LIPA: variants seen among roughly 807,000 people sequenced by gnomAD.
LIPA encodes lysosomal acid lipase/cholesteryl ester hydrolase.
A neutral mutation model predicts 40.6 loss-of-function variants in LIPA; 26 were observed. The ratio of observed to expected loss-of-function variants is 0.64; its 90% CI spans 0.47 to 0.89. The LOEUF (loss-of-function observed/expected upper bound fraction) is 0.89, where lower values mean the gene tolerates loss of function less well. Among genes scored for constraint, LIPA ranks in the 40% least tolerant of loss-of-function variants. The pLI, the probability that LIPA is intolerant of heterozygous loss-of-function variation, is 0.00. For synonymous variants in LIPA, 188 were observed against 168.4 expected (o/e 1.12, Z -0.90); for missense variants, 455 against 479.6 (o/e 0.95, Z 0.48).
chr10:89,243,083 G>A (rs1842981996), intron 3 of LIPA, among the ~76,000 whole-genome samples: 1 of 152,186 alleles, frequency 6.6e-6, no homozygotes, highest in Non-Finnish European at 1.5e-5. Context: ...AGTCAGGAGG[G>A]GAAGCGGGAT....
chr10:89,402,258 A>G (rs1480073102), intron 2 of LIPA: 1 of 1,511,654 alleles, frequency 6.6e-7, no homozygotes, highest in Non-Finnish European at 9.0e-7. Flanking sequence ...CCTAACAAAG[A>G]AAATCTGTTT....
chr10:89,307,856 G>A (rs1843492765), intron 1 of LIPA: 1 of 158,554 alleles, frequency 6.3e-6, no homozygotes, highest in African/African-American at 2.4e-5. Flanking sequence ...AGTCTAAATA[G>A]GGCTCAGTAT....
chr10:89,322,043 G>C (rs1441385679), intron 1 of LIPA, among the ~76,000 whole-genome samples: 1 of 152,070 alleles, frequency 6.6e-6, no homozygotes, highest in Non-Finnish European at 1.5e-5. Flanking sequence ...CACAGGATGG[G>C]GAGCATCACA....
chr10:89,385,021 C>G (rs772818138), intron 2 of LIPA: 4 of 355,128 alleles, frequency 1.1e-5, no homozygotes, highest in African/African-American at 6.2e-5. Flanking sequence ...AAGTAGTAAC[C>G]GATCAAATTG....
rs916125092 is a variant in LIPA at position 89,308,147 on chromosome 10, A to C, written c.-2+34464T>G. ...AATGAGAATGGATTCTGTACAATAC[A>C]CTAGAAACCAACATAATGTATTTCT... On this transcript the variant is annotated intron_variant, in intron 1 of 5. Transcript: ENST00000282673. 2.6e-5 allele frequency: 4 copies of C among 152,238 alleles called. No homozygotes were observed. In the East Asian group the frequency reaches 7.7e-4, roughly 29 times the overall value. The allele number at this position is 152,238 out of a possible 1,614,324, so 9.4% of individuals were successfully genotyped here. A position where few individuals can be genotyped will look rare whatever the true frequency, so the allele number is the denominator to read the frequency against.
At chr10:89,413,075 T>C (rs1841488767) in intron 1 of LIPA, among the ~76,000 whole-genome samples, 2 of 152,200 alleles carry the variant, frequency 1.3e-5, no homozygotes, top group Non-Finnish European at 2.9e-5. Context: ...TCTCATCATT[T>C]AGCTCCCACT....
At chr10:89,387,805 T>C (rs1844220716) in intron 2 of LIPA, among the ~76,000 whole-genome samples, 1 of 152,222 alleles carries the variant, frequency 6.6e-6, no homozygotes, top group South Asian at 2.1e-4. Context: ...GATGAATAGA[T>C]ATGTAATAAG....
intron 1 of LIPA, chr10:89,339,758 A>T: frequency 6.2e-7 from 1 of 1,614,228 alleles, no homozygotes; most frequent in South Asian, 1.1e-5. Context: ...TGCAACCTTC[A>T]GAAATATAAT....
At chr10:89,227,807 T>C (rs2071510) in intron 4 of LIPA, among the ~76,000 whole-genome samples, 37 of 152,006 alleles carry the variant, frequency 2.4e-4, no homozygotes, top group African/African-American at 8.7e-4. Context: ...ATGTCCAATG[T>C]CATACAGCAA....
Position 89,214,879 on chromosome 10 carries a change from G to C in LIPA, c.1149C>G (p.Ala383=). 2 of 1,613,542 alleles carry C rather than the reference G, an allele frequency of 1.2e-6. No homozygotes were observed. The highest frequency in any genetic ancestry group is 8.5e-7 in the Non-Finnish European group (1 of 1,179,572). The change falls in exon 10 of 10, where the codon GCC becomes GCG. Residue 383 remains alanine, a synonymous_variant. Coordinates refer to ENST00000336233, the MANE Select transcript of LIPA (RefSeq NM_000235.4). ...EHLDFIWGLD[A]PWRLYNKIIN... ...TAATTTTATTATAAAGCCTCCAAGG[G>C]GCATCCAGGCCCCAAATGAAGTCAA...
intron 1 of LIPA, among the ~76,000 whole-genome samples, chr10:89,289,791 C>G (rs370851194): frequency 1.3e-5 from 2 of 152,132 alleles, no homozygotes; most frequent in South Asian, 4.1e-4. Flanking sequence ...CGATGAAGTC[C>G]TATTCTTTAC....
chr10:89,235,912 A>C (rs763613394), intron 3 of LIPA, among the ~76,000 whole-genome samples: 1 of 152,240 alleles, frequency 6.6e-6, no homozygotes, highest in Non-Finnish European at 1.5e-5. Context: ...AACAATAATA[A>C]ATCTATACAG....
intron 3 of LIPA, among the ~76,000 whole-genome samples, chr10:89,234,214 A>T (rs1375107539): frequency 6.6e-6 from 1 of 152,252 alleles, no homozygotes; most frequent in East Asian, 1.9e-4. Context: ...AGATGGGACC[A>T]GTGTGCACAT....
chr10:89,353,122 T>A (rs1843968896), intron 2 of LIPA, among the ~76,000 whole-genome samples: 1 of 152,116 alleles, frequency 6.6e-6, no homozygotes, highest in African/African-American at 2.4e-5. Flanking sequence ...CATCAGGTGA[T>A]GGTCAGGCAG....
chr10:89,402,314 T>C lies in LIPA; in HGVS notation c.61+10477A>G, dbSNP rs1400473513. 1.9e-6 allele frequency: 3 copies of C among 1,613,590 alleles called. No individual in the cohort carries two copies. In the African/African-American group the frequency reaches 4.0e-5, roughly 22 times the overall value. On this transcript the variant is annotated intron_variant, in intron 2 of 8. Coordinates refer to the LIPA transcript ENST00000371837. ...GTGATGATCATCAGGTCAAGGATAG[T>C]CTGGAGCAATTGAGATGTCACTTTA...
chr10:89,306,307 A>G, intron 1 of LIPA: 2 of 1,614,164 alleles, frequency 1.2e-6, no homozygotes, highest in Non-Finnish European at 1.7e-6. Flanking sequence ...AGATTTATGT[A>G]GACAAGGTGA....
intron 2 of LIPA, among the ~76,000 whole-genome samples, chr10:89,352,911 A>T (rs1009085675): frequency 1.3e-5 from 2 of 152,150 alleles, no homozygotes; most frequent in Non-Finnish European, 2.9e-5. Context: ...TAGCAACATA[A>T]ACTGATAGCT....
intron 1 of LIPA, among the ~76,000 whole-genome samples, chr10:89,287,185 C>T (rs1429243489): frequency 6.6e-6 from 1 of 152,236 alleles, no homozygotes; most frequent in African/African-American, 2.4e-5. Flanking sequence ...ACTGCCCGAT[C>T]ACCTGAGAAG....
chr10:89,377,320 C>T (rs1036834760), intron 2 of LIPA, among the ~76,000 whole-genome samples: 3 of 152,102 alleles, frequency 2.0e-5, no homozygotes, highest in African/African-American at 4.8e-5. Flanking sequence ...GATTTTTAAC[C>T]CCCATGACCC....
Sources: allele counts gnomAD v4.1 joint callset (sites outside exome capture counted in the v4.1 genomes callset), GRCh38; gene constraint gnomAD v4.1.1; transcripts MANE v1.5; gene names NCBI Gene and HGNC (gene_info 2026-07-23, HGNC 2026-07-21).